Variants in FOXN3 observed in about 807,000 individuals in gnomAD.
FOXN3 encodes the protein forkhead box protein N3.
In FOXN3, 7 loss-of-function variants were observed where a neutral mutation model predicts 38.4. The observed-to-expected ratio is 0.18, with a 90% CI of 0.10 to 0.34. The LOEUF is 0.34. Among genes scored for constraint, FOXN3 ranks in the 10% least tolerant of loss-of-function variants. FOXN3 has a pLI of 1.00. For synonymous variants in FOXN3, 230 were observed against 242.2 expected, an observed-to-expected ratio of 0.95 and a Z score of 0.47; for missense variants, 456 against 613.4, an observed-to-expected ratio of 0.74 and a Z score of 2.71.
At chr14:89,368,906 G>C (rs908552680) in intron 2 of FOXN3, among the ~76,000 whole-genome samples, 3 of 152,172 alleles carry the variant, frequency 2.0e-5, no homozygotes, top group African/African-American at 7.2e-5. Flanking sequence ...AACTCCGCCA[G>C]GGGTTAAGAG....
chr14:89,247,414 G>A (rs1382407222), intron 4 of FOXN3, among the ~76,000 whole-genome samples: 2 of 152,094 alleles, frequency 1.3e-5, no homozygotes, highest in African/African-American at 4.8e-5. Context: ...GAAAGGCCAG[G>A]GAAGTATTAG....
chr14:89,380,768 G>A (rs890118326), intron 2 of FOXN3, among the ~76,000 whole-genome samples: 2 of 152,206 alleles, frequency 1.3e-5, no homozygotes, highest in African/African-American at 4.8e-5. Context: ...AATCACTACT[G>A]AAGATGCTTC....
intron 2 of FOXN3, among the ~76,000 whole-genome samples, chr14:89,401,991 GCA>G (rs951415394): frequency 1.3e-5 from 2 of 151,678 alleles, no homozygotes; most frequent in African/African-American, 4.8e-5. Flanking sequence ...ACTCAAACAA[GCA>G]CACACACACA....
At chr14:89,565,433 T>C (rs939911413) in intron 1 of FOXN3, among the ~76,000 whole-genome samples, 2 of 151,786 alleles carry the variant, frequency 1.3e-5, no homozygotes, top group Admixed American at 6.6e-5. Context: ...TTTTAAGAGG[T>C]AGGACAGAAA....
intron 1 of FOXN3, among the ~76,000 whole-genome samples, chr14:89,537,219 C>T (rs959147598): frequency 1.3e-5 from 2 of 152,208 alleles, no homozygotes; most frequent in East Asian, 3.8e-4. Flanking sequence ...CCTGGTGGGA[C>T]TCCACAGAAT....
intron 1 of FOXN3, among the ~76,000 whole-genome samples, chr14:89,616,895 GGTT>G (rs1215856490): frequency 6.6e-6 from 1 of 152,148 alleles, no homozygotes; most frequent in African/African-American, 2.4e-5. Flanking sequence ...CCACATTTTT[GGTT>G]GTTGTTGTAA....
chr14:89,192,355 C>A (rs780703582), intron 4 of FOXN3, among the ~76,000 whole-genome samples: 8 of 144,666 alleles, frequency 5.5e-5, no homozygotes, highest in African/African-American at 1.5e-4. Context: ...TAATAGTATA[C>A]AGTTTATATA....
At chr14:89,165,407 C>A (rs541945135) in intron 5 of FOXN3, among the ~76,000 whole-genome samples, 1 of 152,334 alleles carries the variant, frequency 6.6e-6, no homozygotes, top group African/African-American at 2.4e-5. Flanking sequence ...CCGATTCCTG[C>A]GACTTCCTGC....
rs892810640 is a variant in FOXN3 at position 89,163,888 on chromosome 14, C to T, written c.852-919G>A. Among the ~76,000 whole-genome samples the T allele has an allele frequency of 6.6e-6, 1 of 152,208 alleles. No individual in the cohort carries two copies. The highest frequency in any genetic ancestry group is 2.4e-5 in the African/African-American group (1 of 41,428). ...GTCTTAGCTACATCACCAGACCGACCCTCCTTTGTGATTTCCCTATAACAA... is the reference window on the plus strand; with the variant it reads ...GTCTTAGCTACATCACCAGACCGACTCTCCTTTGTGATTTCCCTATAACAA... On this transcript the variant is annotated intron_variant, in intron 5 of 5. Transcript: ENST00000557258. This position sits in a 1 kb window ranked among gnomAD's most constrained non-coding sequence, Gnocchi z 4.3.
chr14:89,520,513 G>T (rs914797281), intron 1 of FOXN3, among the ~76,000 whole-genome samples: 1 of 152,178 alleles, frequency 6.6e-6, no homozygotes, highest in Admixed American at 6.5e-5. Flanking sequence ...AGAGTGGAAA[G>T]CCCCAAGTTT....
At chr14:89,511,896 A>G (rs1353418296) in intron 1 of FOXN3, among the ~76,000 whole-genome samples, 1 of 152,134 alleles carries the variant, frequency 6.6e-6, no homozygotes, top group Non-Finnish European at 1.5e-5. Flanking sequence ...CCTCTTATAA[A>G]ACCATCAGAT....
chr14:89,217,862 G>T (rs1884336690), intron 4 of FOXN3, among the ~76,000 whole-genome samples: 1 of 152,214 alleles, frequency 6.6e-6, no homozygotes, highest in African/African-American at 2.4e-5. Context: ...CTGCAGCACT[G>T]CTGCCGGGCC....
At chr14:89,524,097 G>C (rs1437162164) in intron 1 of FOXN3, among the ~76,000 whole-genome samples, 9 of 148,152 alleles carry the variant, frequency 6.1e-5, no homozygotes, top group Non-Finnish European at 3.0e-5. Context: ...AACTAGAGCT[G>C]GGCACGGTGG....
intron 3 of FOXN3, among the ~76,000 whole-genome samples, chr14:89,311,836 C>T (rs12888659): frequency 0.73 from 110,996 of 152,026 alleles, 40,629 homozygotes; most frequent in Middle Eastern, 0.82. Flanking sequence ...AAAAAACAAA[C>T]AAACAAACAA....
intron 1 of FOXN3, among the ~76,000 whole-genome samples, chr14:89,498,793 GC>G (rs1204101295): frequency 6.7e-6 from 1 of 149,184 alleles, no homozygotes; most frequent in East Asian, 2.2e-4. Context: ...CACACAGAGG[GC>G]GGGGGGCTCT....
chr14:89,501,613 GAAGTT>G (rs1893801361), intron 1 of FOXN3, among the ~76,000 whole-genome samples: 1 of 152,194 alleles, frequency 6.6e-6, no homozygotes, highest in Non-Finnish European at 1.5e-5. Flanking sequence ...CCATCAGCCA[GAAGTT>G]AAGTCATGAG....
rs78524946 is a variant in FOXN3, at chr14:89,273,438, G to C, written c.745+7512C>G. Among the ~76,000 whole-genome samples the C allele has an allele frequency of 4.5e-3, 685 of 152,276 alleles. 5 individuals carry two copies. Among genetic ancestry groups the C allele is most frequent in the African/African-American group, 0.016 (659 of 41,538 alleles). ...TTTGGTTAAAATGGTTACTATAGAC[G>C]GGTAGCGGGAAGAGCTGAAATTAAA... On this transcript the variant is annotated intron_variant, in intron 4 of 5. Coordinates refer to ENST00000557258, the MANE Select transcript of FOXN3 (RefSeq NM_005197.4).
rs190575034 is a variant in FOXN3, at chr14:89,163,994, C to T, written c.852-1025G>A. ...ATTTCTTTGTGTCTTTACATCTGAG[C>T]GATGTACTTTCCTTGTGCTTCCTTA... is the stretch of plus-strand genomic sequence containing the variant. On this transcript the variant is annotated intron_variant, in intron 5 of 5. Transcript: ENST00000557258. The surrounding 1 kb of genome is among the most constrained non-coding windows in gnomAD (Gnocchi z 4.3). Among the ~76,000 whole-genome samples the T allele has an allele frequency of 8.5e-5, 13 of 152,342 alleles. No individual in the cohort carries two copies. The highest frequency in any genetic ancestry group is 1.5e-4 in the Non-Finnish European group (10 of 68,036).
intron 1 of FOXN3, among the ~76,000 whole-genome samples, chr14:89,489,919 G>C (rs1180576269): frequency 6.6e-6 from 1 of 152,220 alleles, no homozygotes; most frequent in Non-Finnish European, 1.5e-5. Flanking sequence ...ATGTCAGCTT[G>C]GAGGGCTGGT....
Sources: allele counts gnomAD v4.1 joint callset (sites outside exome capture counted in the v4.1 genomes callset), GRCh38; gene constraint gnomAD v4.1.1; non-coding constraint Gnocchi (gnomAD v3.1); transcripts MANE v1.5; gene names NCBI Gene and HGNC (gene_info 2026-07-23, HGNC 2026-07-21).